VPS53: variants seen among roughly 807,000 people sequenced by gnomAD.
VPS53 encodes the protein vacuolar protein sorting-associated protein 53 homolog.
A neutral mutation model predicts 107.0 loss-of-function variants in VPS53; 70 were observed. That is an observed-to-expected ratio of 0.65 (90% confidence interval 0.54 to 0.80). VPS53 has a LOEUF of 0.80. Among genes scored for constraint, VPS53 ranks in the 30% least tolerant of loss-of-function variants. The pLI is 0.00. For synonymous variants in VPS53, 409 were observed against 393.3 expected (o/e 1.04, Z -0.47); for missense variants, 917 against 1,049.4 (o/e 0.87, Z 1.74).
At chr17:644,700 C>T (rs1220592496) in intron 7 of VPS53, among the ~76,000 whole-genome samples, 1 of 151,964 alleles carries the variant, frequency 6.6e-6, no homozygotes, top group Non-Finnish European at 1.5e-5. Flanking sequence ...CCTCCCATTT[C>T]AGCCTCCCAA....
rs761790669 is a variant in VPS53 at position 631,627 on chromosome 17, C to T, written c.610G>A (p.Val204Met). Reference protein sequence around the residue: ...IPQIRQLSERVKAAQTELGQQ... With the variant: ...IPQIRQLSERMKAAQTELGQQ... ...CCTAACTCAGTCTGTGCAGCCTTCA[C>T]TCTGTGAGGAAGAGAGAACATATCA... is the stretch of plus-strand genomic sequence containing the variant. The change falls in exon 8 of 22, where the codon GTG becomes ATG. Residue 204 changes from valine (V) to methionine (M), a missense_variant and splice_region_variant. By Grantham distance (21) the Val-to-Met change is conservative. Coordinates refer to ENST00000437048, the MANE Select transcript of VPS53 (RefSeq NM_001128159.3). The T allele has an allele frequency of 4.8e-5, 77 of 1,613,952 alleles. No individual in the cohort carries two copies. The highest frequency in any genetic ancestry group is 6.5e-5 in the Non-Finnish European group (77 of 1,179,876).
At chr17:677,106 G>A (rs1429261693) in intron 4 of VPS53, among the ~76,000 whole-genome samples, 1 of 152,134 alleles carries the variant, frequency 6.6e-6, no homozygotes, top group Non-Finnish European at 1.5e-5. Flanking sequence ...TAGGTACACA[G>A]CATAAGGGAC....
chr17:553,714 G>A (rs756545715), intron 15 of VPS53, among the ~76,000 whole-genome samples: 4 of 151,868 alleles, frequency 2.6e-5, no homozygotes, highest in Non-Finnish European at 4.4e-5. Context: ...GGGACTACAG[G>A]CGTGCGCTAC....
At chr17:543,293 A>C (rs1910848514) in intron 17 of VPS53, among the ~76,000 whole-genome samples, 1 of 151,904 alleles carries the variant, frequency 6.6e-6, no homozygotes, top group African/African-American at 2.4e-5. Flanking sequence ...AGACTTGAGA[A>C]CTCTTCTACC....
intron 13 of VPS53, among the ~76,000 whole-genome samples, chr17:576,563 C>T (rs1914631212): frequency 1.3e-5 from 2 of 151,632 alleles, no homozygotes; most frequent in African/African-American, 2.4e-5. Flanking sequence ...CTAATGCGTT[C>T]CCAGAGAACC....
intron 4 of VPS53, among the ~76,000 whole-genome samples, chr17:663,390 G>A (rs937602176): frequency 6.6e-6 from 1 of 152,226 alleles, no homozygotes; most frequent in Non-Finnish European, 1.5e-5. Context: ...GGCCACAGAC[G>A]TGTACAGACC....
At chr17:714,446 T>C (rs1973769158) in intron 1 of VPS53, 177 bp downstream of exon 1, 15 of 616,032 alleles carry the variant, frequency 2.4e-5, no homozygotes, top group South Asian at 3.9e-5. Flanking sequence ...AAGGGTTCTC[T>C]TTCCTTTCCT....
At chr17:647,772 G>A (rs1025005748) in intron 7 of VPS53, among the ~76,000 whole-genome samples, 3 of 152,114 alleles carry the variant, frequency 2.0e-5, no homozygotes, top group South Asian at 4.1e-4. Context: ...TTCCTGCCCC[G>A]GAGCGTCAGA....
At chr17:541,871 A>G (rs565036005) in intron 17 of VPS53, among the ~76,000 whole-genome samples, 1 of 150,084 alleles carries the variant, frequency 6.7e-6, no homozygotes, top group East Asian at 2.0e-4. Context: ...ATGTTTATCA[A>G]GCACGTACTA....
chr17:628,397 C>T (rs1031115673), intron 8 of VPS53, among the ~76,000 whole-genome samples, 166 bp from the exon 9 acceptor site: 3 of 152,118 alleles, frequency 2.0e-5, no homozygotes, highest in Non-Finnish European at 4.4e-5. Context: ...TGCTGCTCCT[C>T]GAGGATGGAA....
chr17:643,547 C>T (rs76982051), intron 7 of VPS53, among the ~76,000 whole-genome samples: 71 of 16,478 alleles, frequency 4.3e-3, no homozygotes, highest in African/African-American at 0.012. Flanking sequence ...ACTTGGAAAC[C>T]GAGGACAACA....
At chr17:657,723 T>A (rs1053340295) in intron 5 of VPS53, among the ~76,000 whole-genome samples, 1 of 151,960 alleles carries the variant, frequency 6.6e-6, no homozygotes, top group Non-Finnish European at 1.5e-5. Flanking sequence ...GTGAGTAACT[T>A]GGCCATGAGT....
At chr17:660,982 T>C (rs998437307) in intron 5 of VPS53, among the ~76,000 whole-genome samples, 1 of 152,056 alleles carries the variant, frequency 6.6e-6, no homozygotes, top group African/African-American at 2.4e-5. Context: ...GGCAAGCTTC[T>C]GAGCACAACA....
At chr17:556,152 G>A (rs1018776309) in intron 15 of VPS53, among the ~76,000 whole-genome samples, 3 of 152,084 alleles carry the variant, frequency 2.0e-5, no homozygotes, top group African/African-American at 7.2e-5. Flanking sequence ...GGTGGCAGGT[G>A]CCTGAAGTCC....
rs56161505 is a variant in VPS53, at chr17:709,223, G to T, written c.168+1310C>A. ...GGAACCTGCCTGGTATCACGGCGCA[G>T]CACGCTCTGTCACGGAACCTGCCTG... On this transcript the variant is annotated intron_variant, in intron 2 of 21. Coordinates refer to ENST00000437048, the MANE Select transcript of VPS53 (RefSeq NM_001128159.3). 5.7e-4 allele frequency among the ~76,000 whole-genome samples: 70 copies of T among 123,066 alleles called. 1 individual carries two copies. The highest frequency in any genetic ancestry group is 1.1e-3 in the Non-Finnish European group (53 of 49,492). The allele number at this position is 123,066 out of a possible 152,430, so 80.7% of individuals were successfully genotyped here.
chr17:651,399 G>C (rs1970943098), intron 7 of VPS53, among the ~76,000 whole-genome samples: 1 of 152,230 alleles, frequency 6.6e-6, no homozygotes, highest in Non-Finnish European at 1.5e-5. Flanking sequence ...GACCAGCCCT[G>C]GGCCACAGAG....
At chr17:566,715 T>C (rs1320912692) in intron 13 of VPS53, among the ~76,000 whole-genome samples, 1 of 151,876 alleles carries the variant, frequency 6.6e-6, no homozygotes, top group African/African-American at 2.4e-5. Context: ...AGCTCTGACA[T>C]GGGTGTTTTT....
At chr17:612,606 A>G (rs1397094136) in intron 11 of VPS53, among the ~76,000 whole-genome samples, 1 of 151,566 alleles carries the variant, frequency 6.6e-6, no homozygotes, top group African/African-American at 2.4e-5. Flanking sequence ...CACACAGTGA[A>G]AACCTGTACA....
At chr17:655,726 G>C (rs1317841594) in intron 6 of VPS53, 112 bp downstream of exon 6, 8 of 980,952 alleles carry the variant, frequency 8.2e-6, no homozygotes, top group Admixed American at 5.7e-5. Context: ...TTTGCAGAAA[G>C]TGGGGCAGGA....
Sources: allele counts gnomAD v4.1 joint callset (sites outside exome capture counted in the v4.1 genomes callset), GRCh38; gene constraint gnomAD v4.1.1; transcripts MANE v1.5; gene names NCBI Gene and HGNC (gene_info 2026-07-23, HGNC 2026-07-21).